Variants in VPS13B observed in about 807,000 individuals in gnomAD.
VPS13B encodes the protein intermembrane lipid transfer protein VPS13B.
Under a neutral mutation model 426.4 loss-of-function variants are expected in VPS13B, and 285 were observed. The observed-to-expected ratio is 0.67, with a 90% CI of 0.61 to 0.74. The LOEUF (loss-of-function observed/expected upper bound fraction) is 0.74. Ranked by LOEUF, VPS13B falls within the 30% of genes least tolerant of loss-of-function variation. VPS13B has a pLI of 0.00. For missense variants in VPS13B, 4,537 were observed against 4,782.6 expected (o/e 0.95, Z 1.51); for synonymous variants, 1,676 against 1,676.4 (o/e 1.00, Z 0.01).
At chr8:99,660,028 T>C (rs986497052) in intron 34 of VPS13B, among the ~76,000 whole-genome samples, 4 of 152,202 alleles carry the variant, frequency 2.6e-5, no homozygotes, top group Admixed American at 2.0e-4. Flanking sequence ...TTGACCATTA[T>C]ATTTAAAAGA....
At chr8:99,234,399 T>G in intron 17 of VPS13B, 1 of 697,188 alleles carries the variant, frequency 1.4e-6, no homozygotes, top group Admixed American at 1.8e-5. Context: ...TTCCTGTTCC[T>G]TAGCTTTTTA....
intron 17 of VPS13B, among the ~76,000 whole-genome samples, chr8:99,246,479 A>G (rs1817224084): frequency 1.3e-5 from 2 of 152,254 alleles, no homozygotes; most frequent in Non-Finnish European, 2.9e-5. Context: ...GTTTTGTGCT[A>G]CAACACCAGA....
chr8:99,569,808 C>A lies in VPS13B; in HGVS notation c.4950-5850C>A, dbSNP rs536578515. Among the ~76,000 whole-genome samples, 66 of 152,190 alleles carry A rather than the reference C, an allele frequency of 4.3e-4. 1 individual carries two copies. The highest frequency in any genetic ancestry group is 1.3e-3 in the African/African-American group (55 of 41,530). On this transcript the variant is annotated intron_variant, in intron 31 of 61. Coordinates refer to ENST00000357162, the MANE Select transcript of VPS13B (RefSeq NM_152564.5). ...CTTTTTTTTTGTTTACAATCTATAC[C>A]TCCCAAAGCTTACTAGAACAGCTTT...
chr8:99,703,949 A>C (rs1043828710), intron 36 of VPS13B, among the ~76,000 whole-genome samples: 27 of 152,136 alleles, frequency 1.8e-4, no homozygotes, highest in Admixed American at 1.4e-3. Flanking sequence ...TAGATAAGGA[A>C]AAGGAAAATA....
chr8:99,055,194 A>G (rs1411329384), intron 3 of VPS13B, among the ~76,000 whole-genome samples: 1 of 151,924 alleles, frequency 6.6e-6, no homozygotes, highest in Non-Finnish European at 1.5e-5. Context: ...ATGAGCCAGC[A>G]TGTTTGTCTA....
intron 23 of VPS13B, among the ~76,000 whole-genome samples, chr8:99,463,958 G>A (rs1818969968): frequency 6.6e-6 from 1 of 152,100 alleles, no homozygotes; most frequent in Non-Finnish European, 1.5e-5. Context: ...GCCTCCCAAA[G>A]TGTTGGTATT....
chr8:99,835,284 T>TAG lies in VPS13B; in HGVS notation c.9704_9705dup (p.Cys3236AspfsTer4), dbSNP rs1223137014. Reference sequence around the variant, plus strand: ...CTAGTCCTCGAGTAATTATCCACAATAGATGTCCAGTAAAAATGCTTATAA... The same window carrying TAG: ...CTAGTCCTCGAGTAATTATCCACAATAGAGATGTCCAGTAAAAATGCTTATAA... On this transcript the variant is annotated frameshift_variant, in exon 53 of 62. Coordinates refer to ENST00000357162, the MANE Select transcript of VPS13B (RefSeq NM_152564.5). LOFTEE classifies it high-confidence loss of function. The TAG allele has an allele frequency of 6.2e-7, 1 of 1,613,372 alleles. No homozygotes were observed.
At chr8:99,297,474 G>A (rs1368586188) in intron 19 of VPS13B, among the ~76,000 whole-genome samples, 1 of 152,092 alleles carries the variant, frequency 6.6e-6, no homozygotes, top group Admixed American at 6.5e-5. Flanking sequence ...AATCAACTAG[G>A]TCTAAGGGTT....
chr8:99,588,433 A>T (rs181950224), intron 33 of VPS13B, among the ~76,000 whole-genome samples: 4 of 151,810 alleles, frequency 2.6e-5, no homozygotes, highest in African/African-American at 9.7e-5. Context: ...CACAATATTG[A>T]TTCTTCTATC....
At chr8:99,685,145 A>G (rs1416556305) in intron 35 of VPS13B, among the ~76,000 whole-genome samples, 1 of 152,248 alleles carries the variant, frequency 6.6e-6, no homozygotes, top group East Asian at 1.9e-4. Flanking sequence ...TCCTTTCAGG[A>G]AAGAGATAAA....
At position 99,135,027 on chromosome 8, in the gene VPS13B, G is replaced by A; in HGVS notation, c.1315G>A (p.Gly439Arg). 4 of 1,613,450 alleles carry A rather than the reference G, an allele frequency of 2.5e-6. No homozygotes were observed. The highest frequency in any genetic ancestry group is 3.4e-6 in the Non-Finnish European group (4 of 1,179,570). ...TTTCGTCTTATAGGCCCTTATGATG[G>A]GAGAACCTTTCTTTGATTGCCAGAT... ...EGTTVEALMM[G>R]EPFFDCQIGF... Residue 439 changes from glycine to arginine, a missense_variant, in exon 10 of 62, where the codon GGA becomes AGA. Gly to Arg is a moderately radical substitution (Grantham distance 125). Coordinates refer to ENST00000357162, the MANE Select transcript of VPS13B (RefSeq NM_152564.5).
intron 19 of VPS13B, among the ~76,000 whole-genome samples, chr8:99,278,432 A>G (rs1246594797): frequency 6.6e-6 from 1 of 152,260 alleles, no homozygotes; most frequent in African/African-American, 2.4e-5. Context: ...GTACTTTACA[A>G]TTAAAATGTC....
At chr8:99,277,777 T>C (rs1818973779) in intron 19 of VPS13B, among the ~76,000 whole-genome samples, 1 of 152,234 alleles carries the variant, frequency 6.6e-6, no homozygotes, top group Admixed American at 6.5e-5. Flanking sequence ...GCTATTAGAA[T>C]TTTATGCTTC....
intron 31 of VPS13B, among the ~76,000 whole-genome samples, chr8:99,557,064 G>GA (rs1296481489): frequency 6.6e-6 from 1 of 152,036 alleles, no homozygotes; most frequent in African/African-American, 2.4e-5. Flanking sequence ...AGAGTGTGGG[G>GA]AAAAACAAGA....
At position 99,237,570 on chromosome 8, in the gene VPS13B, T is replaced by A. The variant is rs1401412561; in HGVS notation, c.2516-36628T>A. On this transcript the variant is annotated intron_variant, in intron 17 of 61. Transcript: ENST00000357162. The stretch of plus-strand genomic sequence containing the variant: ...TGAATAAATAAACATTTGATAAAAT[T>A]AATGACTGAAACAGAAAAAATCACG... 3.3e-5 allele frequency among the ~76,000 whole-genome samples: 5 copies of A among 152,062 alleles called. No individual in the cohort carries two copies. The East Asian group carries it at 9.6e-4, about 29-fold the overall frequency.
At chr8:99,702,211 A>G (rs1832311279) in intron 36 of VPS13B, among the ~76,000 whole-genome samples, 1 of 152,156 alleles carries the variant, frequency 6.6e-6, no homozygotes, top group Non-Finnish European at 1.5e-5. Context: ...TTCAAGTAAC[A>G]TTGTTCTACA....
chr8:99,334,545 T>C (rs1050952636), intron 19 of VPS13B, among the ~76,000 whole-genome samples: 6 of 152,114 alleles, frequency 3.9e-5, no homozygotes, highest in East Asian at 1.9e-4. Context: ...CCTAATTTAT[T>C]GAGAGTTTTT....
intron 3 of VPS13B, among the ~76,000 whole-genome samples, chr8:99,073,771 TTTC>T (rs1469659646): frequency 2.6e-5 from 4 of 151,214 alleles, no homozygotes; most frequent in Admixed American, 1.3e-4. Context: ...TGTTTCTTTC[TTTC>T]TTCTTTTTTT....
intron 14 of VPS13B, among the ~76,000 whole-genome samples, chr8:99,155,554 C>G (rs1811315626): frequency 1.3e-5 from 2 of 151,760 alleles, no homozygotes; most frequent in Non-Finnish European, 2.9e-5. Flanking sequence ...TTTAGTAATC[C>G]CAAAGAAAGT....
Sources: gnomAD v4.1 joint callset for allele counts (sites outside exome capture counted in the v4.1 genomes callset) on GRCh38, gnomAD v4.1.1 for gene constraint, MANE v1.5 for transcripts, NCBI Gene and HGNC (gene_info 2026-07-23, HGNC 2026-07-21) for gene names.